The following SLC12A1 variants were observed in gnomAD, a reference collection of about 807,000 sequenced individuals.
The protein encoded by SLC12A1 is solute carrier family 12 member 1.
Under a neutral mutation model 130.4 loss-of-function variants are expected in SLC12A1, and 89 were observed. That is an observed-to-expected ratio of 0.68 (90% CI 0.58 to 0.81). The LOEUF (loss-of-function observed/expected upper bound fraction) is 0.81. SLC12A1 is among the 40% of genes least tolerant of loss of function. SLC12A1 has a pLI of 0.00. For synonymous variants in SLC12A1, 499 were observed against 460.0 expected (o/e 1.08, Z -1.09); for missense variants, 1,310 against 1,336.4 (o/e 0.98, Z 0.31).
Position 48,207,459 on chromosome 15 carries a change from T to A in SLC12A1, c.-186-75T>A, listed in dbSNP as rs143103390. On this transcript the variant is annotated intron_variant, in intron 1 of 26. Coordinates refer to ENST00000380993, the MANE Select transcript of SLC12A1 (RefSeq NM_000338.3). ...TTGTATGTCTTGTAAAATAAAACTG[T>A]TCCCTTATATCCCACCCTTACCTAA... 610 of 269,390 alleles carry A rather than the reference T, an allele frequency of 2.3e-3. 2 individuals carry two copies. The highest frequency in any genetic ancestry group is 0.013 in the African/African-American group (575 of 45,506). 16.7% of individuals were successfully genotyped at this position (269,390 alleles called of 1,614,324 possible). A position where few individuals can be genotyped will look rare whatever the true frequency, so the allele number is the denominator to read the frequency against.
intron 7 of SLC12A1, 105 bp downstream of exon 7, chr15:48,230,608 T>C (rs1320501229): frequency 1.6e-5 from 12 of 744,702 alleles, no homozygotes; most frequent in Non-Finnish European, 2.6e-5. Context: ...TGTTATTACC[T>C]GCTATGGTGA....
intron 12 of SLC12A1, 137 bp from the exon 13 acceptor site, chr15:48,247,200 T>G: frequency 1.0e-6 from 1 of 956,830 alleles, no homozygotes; most frequent in South Asian, 1.6e-5. Context: ...ATATAAAGAA[T>G]GATAAACTGC....
intron 8 of SLC12A1, among the ~76,000 whole-genome samples, chr15:48,233,875 A>AT (rs942849234): frequency 6.7e-6 from 1 of 150,044 alleles, no homozygotes; most frequent in Non-Finnish European, 1.5e-5. Context: ...TTTTGTTCAC[A>AT]TTTTTTTCCT....
chr15:48,260,586 T>C (rs1310056010), intron 17 of SLC12A1, among the ~76,000 whole-genome samples: 1 of 152,176 alleles, frequency 6.6e-6, no homozygotes, highest in Non-Finnish European at 1.5e-5. Context: ...ATTATTGCAC[T>C]GGATCACATG....
Position 48,249,659 on chromosome 15 carries a change from C to T in SLC12A1, c.1769C>T (p.Ser590Phe), listed in dbSNP as rs750934720. The T allele has an allele frequency of 1.9e-6, 3 of 1,613,274 alleles. No individual in the cohort carries two copies. The highest frequency in any genetic ancestry group is 1.7e-6 in the Non-Finnish European group (2 of 1,179,284). Residue 590 changes from serine to phenylalanine, a missense_variant, in exon 14 of 27, where the codon TCT becomes TTT. Transcript: ENST00000380993. ...ATTAATTTCTCCTGCTTCCATGCCTCTTATGCCAAATCTCCAGGTAAGCTG... is the reference window on the plus strand; with the variant it reads ...ATTAATTTCTCCTGCTTCCATGCCTTTTATGCCAAATCTCCAGGTAAGCTG... ...ALINFSCFHA[S>F]YAKSPGWRPA...
In SLC12A1 at chr15:48,249,606, C is replaced by T. The variant is rs1169586895; in HGVS notation, c.1716C>T (p.Ser572=). 6.2e-6 allele frequency: 10 copies of T among 1,613,822 alleles called. No homozygotes were observed. Among genetic ancestry groups the T allele is most frequent in the Non-Finnish European group, 7.6e-6 (9 of 1,179,850 alleles). Residue 572 remains serine, a synonymous_variant, in exon 14 of 27, where the codon TCC becomes TCT. Transcript: ENST00000380993. ...AELNTIAPII[S]NFFLASYALI... ...TGAACACCATTGCTCCCATCATCTC[C>T]AACTTTTTCCTGGCCTCATATGCAC...
At chr15:48,301,130 C>A (rs2042227330) in intron 25 of SLC12A1, among the ~76,000 whole-genome samples, 185 bp from the exon 26 acceptor site, 1 of 152,140 alleles carries the variant, frequency 6.6e-6, no homozygotes, top group Non-Finnish European at 1.5e-5. Context: ...GTGTCTTATT[C>A]TTTATATTTC....
intron 20 of SLC12A1, among the ~76,000 whole-genome samples, chr15:48,277,615 C>G (rs2041967228): frequency 6.6e-6 from 1 of 151,814 alleles, no homozygotes; most frequent in Non-Finnish European, 1.5e-5. Flanking sequence ...TTGTGGTTGT[C>G]CAGTTTTCTC....
Position 48,303,370 on chromosome 15 carries a change from A to G in SLC12A1, c.*485A>G, listed in dbSNP as rs2042256018. 6.6e-6 allele frequency: 1 copy of G among 152,326 alleles called. No individual in the cohort carries two copies. Among genetic ancestry groups the G allele is most frequent in the Admixed American group, 6.5e-5 (1 of 15,280 alleles). 9.4% of individuals were successfully genotyped at this position (152,326 alleles called of 1,614,324 possible). On this transcript the variant is annotated 3_prime_UTR_variant, in exon 27 of 27. Transcript: ENST00000380993. ...GACCAATAGGCTGGGGAACATAATT[A>G]TGCTTGGCCCCCTCAGAGGCTTATA...
intron 21 of SLC12A1, among the ~76,000 whole-genome samples, chr15:48,285,884 C>T (rs2042051123): frequency 6.6e-6 from 1 of 152,202 alleles, no homozygotes; most frequent in Admixed American, 6.5e-5. Context: ...TTGAAAATTA[C>T]TTCCCGAAAC....
intron 1 of SLC12A1, among the ~76,000 whole-genome samples, chr15:48,206,902 T>G (rs2040989051): frequency 6.6e-6 from 1 of 152,164 alleles, no homozygotes. Flanking sequence ...CAAACAAATG[T>G]ATGAGCAAAT....
Position 48,267,562 on chromosome 15 carries a change from G to T in SLC12A1, c.2156G>T (p.Gly719Val). Residue 719 changes from glycine (G) to valine (V), a missense_variant and splice_region_variant, in exon 18 of 27, where the codon GGA (glycine) becomes GTA (valine). Gly to Val is a moderately radical substitution (Grantham distance 109, BLOSUM62 -3). Transcript: ENST00000380993. ...CCAATATTTCATTGTGTCACACAGGGACCGCGCAAACTGTGTGTTAAGGAG... is the reference window on the plus strand; with the variant it reads ...CCAATATTTCATTGTGTCACACAGGTACCGCGCAAACTGTGTGTTAAGGAG... ...GLCICCEVFV[G>V]PRKLCVKEMN... The T allele has an allele frequency of 1.2e-6, 2 of 1,613,236 alleles. No homozygotes were observed. The highest frequency in any genetic ancestry group is 1.1e-5 in the South Asian group (1 of 91,024).
chr15:48,219,971 T>C (rs1431992855), intron 2 of SLC12A1, among the ~76,000 whole-genome samples: 1 of 151,800 alleles, frequency 6.6e-6, no homozygotes, highest in African/African-American at 2.4e-5. Flanking sequence ...TAGCTGAGTG[T>C]GGTGGTGTGT....
intron 13 of SLC12A1, among the ~76,000 whole-genome samples, chr15:48,248,422 G>A (rs746989850): frequency 6.6e-6 from 1 of 152,210 alleles, no homozygotes; most frequent in African/African-American, 2.4e-5. Flanking sequence ...GCATTTAAGC[G>A]AATAAGCAAC....
At chr15:48,252,460 A>T (rs1296921778) in intron 15 of SLC12A1, among the ~76,000 whole-genome samples, 1 of 152,182 alleles carries the variant, frequency 6.6e-6, no homozygotes, top group Non-Finnish European at 1.5e-5. Context: ...TGTCCTGATA[A>T]ATTAGATATA....
At chr15:48,289,460 TAATGTATAAC>T (rs796124958) in intron 23 of SLC12A1, among the ~76,000 whole-genome samples, 6,197 of 135,984 alleles carry the variant, frequency 0.046, 427 homozygotes, top group African/African-American at 0.16. Context: ...GTATAATGTA[TAATGTATAAC>T]AATGTATAAC....
intron 21 of SLC12A1, 113 bp downstream of exon 21, chr15:48,285,362 G>A: frequency 3.1e-6 from 3 of 961,018 alleles, no homozygotes; most frequent in Non-Finnish European, 4.7e-6. Flanking sequence ...GTGTGGGTAG[G>A]AACTGAAAGG....
chr15:48,261,701 A>G (rs1321162169), intron 17 of SLC12A1, among the ~76,000 whole-genome samples: 1 of 152,210 alleles, frequency 6.6e-6, no homozygotes, highest in African/African-American at 2.4e-5. Context: ...ACAATGGTTG[A>G]TGGTTAGGCC....
chr15:48,255,814 T>C lies in SLC12A1; in HGVS notation c.1946T>C (p.Val649Ala), dbSNP rs1241210831. The C allele has an allele frequency of 1.3e-6, 2 of 1,599,336 alleles. No individual in the cohort carries two copies. The highest frequency in any genetic ancestry group is 1.7e-6 in the Non-Finnish European group (2 of 1,170,778). The change falls in exon 16 of 27, where the codon GTG becomes GCG. Residue 649 changes from valine (V) to alanine (A), a missense_variant. By Grantham distance (64) the Val-to-Ala change is moderately conservative. Transcript: ENST00000380993. ...YVYVTCKKPDVNWGSSTQALS... is the reference protein window; with the variant it reads ...YVYVTCKKPDANWGSSTQALS... ...CAATTTCCTCCTTTATCCACAGATG[T>C]GAACTGGGGCTCCTCCACACAGGCT...
Sources: gnomAD v4.1 joint callset for allele counts (sites outside exome capture counted in the v4.1 genomes callset) on GRCh38, gnomAD v4.1.1 for gene constraint, MANE v1.5 for transcripts, NCBI Gene and HGNC (gene_info 2026-07-23, HGNC 2026-07-21) for gene names.